The following GLI3 variants were observed in gnomAD, a reference collection of about 807,000 sequenced individuals.
The protein encoded by GLI3 is GLI family zinc finger 3, also known as transcription activator GLI3.
In GLI3, 20 loss-of-function variants were observed where a neutral mutation model predicts 100.8. That is an observed-to-expected ratio of 0.20 (90% CI 0.14 to 0.29). The LOEUF is 0.29. Ranked by LOEUF, GLI3 falls within the 10% of genes least tolerant of loss-of-function variation. GLI3 has a pLI of 1.00. For missense variants in GLI3, 2,040 were observed against 2,128.5 expected (o/e 0.96, Z 0.82); for synonymous variants, 938 against 860.5 (o/e 1.09, Z -1.58).
chr7:42,162,139 A>G (rs1182709950), intron 2 of GLI3, among the ~76,000 whole-genome samples: 3 of 152,254 alleles, frequency 2.0e-5, no homozygotes, highest in Non-Finnish European at 4.4e-5. Flanking sequence ...GTAAGCAGTA[A>G]TGTAAACATT....
intron 3 of GLI3, among the ~76,000 whole-genome samples, chr7:42,130,584 C>T (rs954540775): frequency 6.6e-6 from 1 of 151,930 alleles, no homozygotes; most frequent in African/African-American, 2.4e-5. Flanking sequence ...AGCACAGAAC[C>T]AAAAGCAAAG....
chr7:41,990,671 T>C (rs1463138596), intron 10 of GLI3, among the ~76,000 whole-genome samples: 6 of 152,138 alleles, frequency 3.9e-5, no homozygotes, highest in East Asian at 1.9e-4. Flanking sequence ...GGGAGAAAAG[T>C]TGACAATTCG....
chr7:42,243,833 G>A (rs1033546750), intron 1 of GLI3, among the ~76,000 whole-genome samples: 1 of 151,880 alleles, frequency 6.6e-6, no homozygotes, highest in African/African-American at 2.4e-5. Flanking sequence ...TCATTCTTTT[G>A]TTGTTGTTGT....
chr7:42,218,505 A>G (rs577197215), intron 2 of GLI3, among the ~76,000 whole-genome samples: 36 of 151,050 alleles, frequency 2.4e-4, no homozygotes, highest in African/African-American at 8.2e-4. Flanking sequence ...CACCCATGCA[A>G]TGGACAATTT....
At position 42,237,120 on chromosome 7, in the gene GLI3, G is replaced by C. The variant is rs1453257502; in HGVS notation, c.-192C>G. 2 of 147,564 alleles carry C rather than the reference G, an allele frequency of 1.4e-5. No homozygotes were observed. Among genetic ancestry groups the C allele is most frequent in the Non-Finnish European group, 3.0e-5 (2 of 66,150 alleles). 9.1% of individuals were successfully genotyped at this position (147,564 alleles called of 1,614,324 possible). On this transcript the variant is annotated 5_prime_UTR_variant, in exon 1 of 15. Coordinates refer to ENST00000395925, the MANE Select transcript of GLI3 (RefSeq NM_000168.6). ...CGCGGGGTGCGCCCGCCGCGGGCAT[G>C]GTGCGGCGCGGGCGGCCGCGGGGCG...
chr7:42,214,465 A>T (rs560725444), intron 2 of GLI3, among the ~76,000 whole-genome samples: 3 of 152,184 alleles, frequency 2.0e-5, no homozygotes, highest in Admixed American at 1.3e-4. Context: ...TAAAGAAAAA[A>T]AAAAGAGACA....
chr7:42,097,612 A>G (rs995983600), intron 3 of GLI3, among the ~76,000 whole-genome samples: 1 of 152,230 alleles, frequency 6.6e-6, no homozygotes, highest in Non-Finnish European at 1.5e-5. Context: ...ATTACTTGGC[A>G]AACAGCATTT....
chr7:42,139,354 G>A (rs1786509577), intron 3 of GLI3, among the ~76,000 whole-genome samples: 3 of 152,182 alleles, frequency 2.0e-5, no homozygotes, highest in Admixed American at 1.3e-4. Flanking sequence ...TTGAGAACAA[G>A]TAAAAATAAA....
intron 2 of GLI3, among the ~76,000 whole-genome samples, chr7:42,164,202 T>C (rs1386997117): frequency 2.0e-5 from 3 of 152,216 alleles, no homozygotes; most frequent in East Asian, 1.9e-4. Flanking sequence ...AATATAGTTG[T>C]ATATTCCCGT....
Position 42,023,619 on chromosome 7 carries a change from AGGGTGGG to A in GLI3, c.1357-18_1357-12del. On this transcript the variant is annotated splice_polypyrimidine_tract_variant and intron_variant, in intron 9 of 14. Coordinates refer to ENST00000395925, the MANE Select transcript of GLI3 (RefSeq NM_000168.6). ...TCCTTCGGGCTGTTCCTGAAAGAAG[AGGGTGGG>A]GGGCAGGGAACAGAGAAGGGGGAAG... 1.3e-6 allele frequency: 1 copy of A among 793,768 alleles called. No homozygotes were observed. Among genetic ancestry groups the A allele is most frequent in the Non-Finnish European group, 2.0e-6 (1 of 499,186 alleles). The allele number at this position is 793,768 out of a possible 1,614,324, so 49.2% of individuals were successfully genotyped here. A position where few individuals can be genotyped will look rare whatever the true frequency, so the allele number is the denominator to read the frequency against.
chr7:42,228,095 G>A (rs1183594725), intron 1 of GLI3, among the ~76,000 whole-genome samples: 1 of 152,006 alleles, frequency 6.6e-6, no homozygotes, highest in South Asian at 2.1e-4. Context: ...CGGCGCGGTG[G>A]GTTCATTAGC....
chr7:42,122,016 C>T (rs1407503922), intron 3 of GLI3, among the ~76,000 whole-genome samples: 3 of 152,092 alleles, frequency 2.0e-5, no homozygotes, highest in Non-Finnish European at 2.9e-5. Flanking sequence ...GGGCCATTAC[C>T]TCCCAGGCTT....
intron 3 of GLI3, among the ~76,000 whole-genome samples, chr7:42,086,682 C>T (rs1271879116): frequency 6.6e-6 from 1 of 152,064 alleles, no homozygotes; most frequent in Non-Finnish European, 1.5e-5. Context: ...AGACTCAATA[C>T]AAACACCACC....
chr7:42,182,802 A>G (rs10951670), intron 2 of GLI3, among the ~76,000 whole-genome samples: 91,336 of 149,500 alleles, frequency 0.61, 29,002 homozygotes, highest in African/African-American at 0.77. Flanking sequence ...GCCAGGCGTG[A>G]TGGCTCATGC....
At chr7:41,986,683 C>G (rs62441524) in intron 10 of GLI3, among the ~76,000 whole-genome samples, 5 of 151,888 alleles carry the variant, frequency 3.3e-5, no homozygotes, top group Non-Finnish European at 7.4e-5. Context: ...TTGGGGATGA[C>G]AGCAAAAGGG....
chr7:42,085,591 T>C (rs2128754567), intron 3 of GLI3, among the ~76,000 whole-genome samples: 1 of 152,336 alleles, frequency 6.6e-6, no homozygotes, highest in Admixed American at 6.5e-5. Flanking sequence ...CATAAAACTA[T>C]GGCCTTATGA....
chr7:42,195,003 G>C (rs1010950725), intron 2 of GLI3, among the ~76,000 whole-genome samples: 2 of 152,018 alleles, frequency 1.3e-5, no homozygotes, highest in African/African-American at 4.8e-5. Flanking sequence ...CTGACCTCAA[G>C]TGATCTGCCC....
intron 5 of GLI3, 123 bp downstream of exon 5, chr7:42,048,368 G>C (rs913341190): frequency 9.1e-6 from 7 of 771,930 alleles, no homozygotes; most frequent in Admixed American, 5.4e-5. Context: ...GTAAGGCACA[G>C]AGCACAGCGC....
chr7:42,038,441 T>C (rs1784065112), intron 7 of GLI3, among the ~76,000 whole-genome samples: 1 of 152,234 alleles, frequency 6.6e-6, no homozygotes, highest in African/African-American at 2.4e-5. Context: ...ATCTGTAGTT[T>C]ACAGATGTGA....
Sources: allele counts gnomAD v4.1 joint callset (sites outside exome capture counted in the v4.1 genomes callset), GRCh38; gene constraint gnomAD v4.1.1; transcripts MANE v1.5; gene names NCBI Gene and HGNC (gene_info 2026-07-23, HGNC 2026-07-21).